Variants in DBH observed in about 807,000 individuals in gnomAD.
DBH encodes dopamine beta-hydroxylase (dopamine beta-monooxygenase).
A neutral mutation model predicts 64.0 loss-of-function variants in DBH; 49 were observed. That is an observed-to-expected ratio of 0.77 (90% CI 0.61 to 0.97). The LOEUF (loss-of-function observed/expected upper bound fraction) is 0.97, where lower values mean the gene tolerates loss of function less well. Among genes scored for constraint, DBH ranks in the 50% least tolerant of loss-of-function variants. The pLI is 0.00. For missense variants in DBH, 828 were observed against 826.6 expected, an observed-to-expected ratio of 1.00 and a Z score of -0.02; for synonymous variants, 343 against 347.1, an observed-to-expected ratio of 0.99 and a Z score of 0.13.
intron 2 of DBH, among the ~76,000 whole-genome samples, chr9:133,641,967 G>A (rs1381935771): frequency 6.6e-6 from 1 of 152,220 alleles, no homozygotes; most frequent in Non-Finnish European, 1.5e-5. Flanking sequence ...AATGTAGGTG[G>A]AATGTGTTTA....
chr9:133,652,437 G>A (rs1226270015), intron 8 of DBH, among the ~76,000 whole-genome samples, 153 bp downstream of exon 8: 1 of 152,134 alleles, frequency 6.6e-6, no homozygotes, highest in Non-Finnish European at 1.5e-5. Context: ...GGGTGGCTCT[G>A]GGCTGGGCTA....
chr9:133,650,520 C>T (rs1336719188), intron 6 of DBH, among the ~76,000 whole-genome samples: 1 of 134,124 alleles, frequency 7.5e-6, no homozygotes, highest in African/African-American at 3.1e-5. Flanking sequence ...TTCCTTCCTT[C>T]CTTCCTTCTC....
At position 133,658,349 on chromosome 9, in the gene DBH, A is replaced by G; in HGVS notation, c.1756A>G (p.Ile586Val). The G allele has an allele frequency of 6.2e-7, 1 of 1,613,796 alleles. No homozygotes were observed. ...GAACCTGCAGCCCCTGCCCAAGGTC[A>G]TCTCCACACTGGAAGAGCCCACCCC... ...EWNLQPLPKV[I>V]STLEEPTPQC... is the part of the protein sequence containing the mutation. Residue 586 changes from isoleucine (I) to valine (V), a missense_variant, in exon 12 of 12, where the codon ATC (isoleucine) becomes GTC (valine). By Grantham distance (29) the Ile-to-Val change is conservative (BLOSUM62 3). Coordinates refer to ENST00000393056, the MANE Select transcript of DBH (RefSeq NM_000787.4).
rs2131295025 is a variant in DBH, at chr9:133,656,640, CTCA to C, written c.1556_1558del (p.Ile519del). On this transcript the variant is annotated inframe_deletion, in exon 10 of 12. Transcript: ENST00000393056. ...CGGCTTCCTGCAGAAGTACTTCCAC[CTCA>C]TCAACAGGTGAGGGCTCCCTGCACA... 6.2e-7 allele frequency: 1 copy of C among 1,612,490 alleles called. No individual in the cohort carries two copies. The highest frequency in any genetic ancestry group is 1.1e-5 in the South Asian group (1 of 91,060).
In DBH at chr9:133,639,967, G is replaced by A. The variant is rs1832098877; in HGVS notation, c.461G>A (p.Cys154Tyr). The A allele has an allele frequency of 1.2e-6, 2 of 1,613,970 alleles. No homozygotes were observed. The highest frequency in any genetic ancestry group is 2.7e-5 in the African/African-American group (2 of 75,066). Residue 154 changes from cysteine to tyrosine, a missense_variant, in exon 2 of 12, where the codon TGC (cysteine) becomes TAC (tyrosine). Cys to Tyr is a radical substitution (Grantham distance 194). Coordinates refer to ENST00000393056, the MANE Select transcript of DBH (RefSeq NM_000787.4). ...TLLFKRPFGT[C>Y]DPKDYLIEDG... The stretch of plus-strand genomic sequence containing the variant: ...CTTTTCAAGAGGCCCTTTGGCACCT[G>A]CGACCCCAAGGATTACCTCATTGAA...
chr9:133,638,460 G>A (rs116929748), intron 1 of DBH, among the ~76,000 whole-genome samples: 3,329 of 152,314 alleles, frequency 0.022, 53 homozygotes, highest in African/African-American at 0.042. Flanking sequence ...CCAAGGGCCC[G>A]AGGCTTTCTT....
rs1412143924 is a variant in DBH at position 133,658,515 on chromosome 9, C to T, written c.*68C>T. The T allele has an allele frequency of 8.1e-6, 12 of 1,479,092 alleles. No individual in the cohort carries two copies. The highest frequency in any genetic ancestry group is 1.4e-5 in the South Asian group (1 of 72,206). The allele number at this position is 1,479,092 out of a possible 1,614,324, so 91.6% of individuals were successfully genotyped here. ...GCTCACACCGGCACTGTGCACTCTA[C>T]TCTGCGACGATCCCCATGGAACAGC... On this transcript the variant is annotated 3_prime_UTR_variant, in exon 12 of 12. Coordinates refer to ENST00000393056, the MANE Select transcript of DBH (RefSeq NM_000787.4).
chr9:133,657,449 GAGGAGAGAGGGAGAGGGAGA>G, intron 11 of DBH: 2 of 379,348 alleles, frequency 5.3e-6, no homozygotes, highest in Non-Finnish European at 9.0e-6. Flanking sequence ...AGAGGAGAGA[GAGGAGAGAGGGAGAGGGAGA>G]GAGGGAGAGG....
rs774582420 is a variant in DBH at position 133,642,484 on chromosome 9, C to T, written c.744+20C>T. On this transcript the variant is annotated intron_variant, in intron 3 of 11. Transcript: ENST00000393056. ...ATCAAGGTACGTGCGGGTCCAGGGCCGAGGTCCTCGCCCAGCCCTGCCTTC... is the reference window on the plus strand; with the variant it reads ...ATCAAGGTACGTGCGGGTCCAGGGCTGAGGTCCTCGCCCAGCCCTGCCTTC... 20 of 1,589,140 alleles carry T rather than the reference C, an allele frequency of 1.3e-5. No homozygotes were observed. Among genetic ancestry groups the T allele is most frequent in the Admixed American group, 3.5e-5 (2 of 56,428 alleles).
rs906102478 is a variant in DBH at position 133,643,090 on chromosome 9, C to T, written c.745-323C>T. ...CTTGAAGGTGCGCTTTGGGCCCGGG[C>T]TCTAACCTCAGGGCTGCCCTGCCTC... On this transcript the variant is annotated intron_variant, in intron 3 of 11. Coordinates refer to ENST00000393056, the MANE Select transcript of DBH (RefSeq NM_000787.4). The surrounding 1 kb of genome is among the most constrained non-coding windows in gnomAD (Gnocchi z 5.3). Among the ~76,000 whole-genome samples the T allele has an allele frequency of 3.3e-5, 5 of 152,296 alleles. No individual in the cohort carries two copies. The highest frequency in any genetic ancestry group is 3.9e-4 in the East Asian group (2 of 5,164).
At chr9:133,652,796 G>T in intron 8 of DBH, 144 bp from the exon 9 acceptor site, 1 of 697,668 alleles carries the variant, frequency 1.4e-6, no homozygotes, top group South Asian at 1.6e-5. Flanking sequence ...ACATGAATCT[G>T]CTGGGCTCCT....
At chr9:133,653,531 G>A (rs1372962083) in intron 9 of DBH, among the ~76,000 whole-genome samples, 1 of 152,198 alleles carries the variant, frequency 6.6e-6, no homozygotes, top group Non-Finnish European at 1.5e-5. Context: ...TGGAGCCCAG[G>A]GGAGAGGGGA....
intron 11 of DBH, among the ~76,000 whole-genome samples, chr9:133,657,497 G>A (rs1340472259): frequency 1.4e-5 from 2 of 143,056 alleles, no homozygotes; most frequent in Admixed American, 6.9e-5. Context: ...GAGAGAGAGA[G>A]GAGAGAGAGA....
In DBH at chr9:133,636,710, G is replaced by A. The variant is rs747816048; in HGVS notation, c.339G>A (p.Ala113=). 1.1e-5 allele frequency: 18 copies of A among 1,600,852 alleles called. No individual in the cohort carries two copies. Among genetic ancestry groups the A allele is most frequent in the Middle Eastern group, 1.7e-4 (1 of 6,058 alleles). The part of the protein sequence containing the change: ...LWTDGDTAYF[A]DAWSDQKGQI... ...CCGATGGGGACACTGCCTATTTTGC[G>A]GTGAGTCTCTCCTCCCTGCCAGCTC... Residue 113 remains alanine (A), a splice_region_variant and synonymous_variant, in exon 1 of 12, where the codon GCG becomes GCA. Coordinates refer to ENST00000393056, the MANE Select transcript of DBH (RefSeq NM_000787.4).
intron 3 of DBH, 42 bp downstream of exon 3, chr9:133,642,506 C>A: frequency 6.4e-7 from 1 of 1,566,810 alleles, no homozygotes; most frequent in East Asian, 2.3e-5. Flanking sequence ...CCAGCCCTGC[C>A]TTCCTCCCGG....
rs756815809 is a variant in DBH, at chr9:133,636,443, A to G, written c.72A>G (p.Thr24=). 6.2e-7 allele frequency: 1 copy of G among 1,612,748 alleles called. No homozygotes were observed. The highest frequency in any genetic ancestry group is 1.3e-5 in the African/African-American group (1 of 74,930). Residue 24 remains threonine, a synonymous_variant, in exon 1 of 12, where the codon ACA becomes ACG. Transcript: ENST00000393056. ...SMREAAFMYS[T]AVAIFLVILV... ...GGGAGGCAGCCTTCATGTACAGCAC[A>G]GCAGTGGCCATCTTCCTGGTCATCC...
intron 9 of DBH, chr9:133,655,566 G>A (rs1453668110): frequency 1.3e-5 from 2 of 152,370 alleles, no homozygotes; most frequent in African/African-American, 4.8e-5. Context: ...TGCACGGGAG[G>A]AGGGGGCGGC....
chr9:133,636,624 G>A lies in DBH; in HGVS notation c.253G>A (p.Val85Ile), dbSNP rs78445536. ...CCTGGTGCGGAGGCTCAAGGCTGGCGTCCTGTTTGGGATGTCCGACCGTGG... is the reference window on the plus strand; with the variant it reads ...CCTGGTGCGGAGGCTCAAGGCTGGCATCCTGTTTGGGATGTCCGACCGTGG... ...QLLVRRLKAGVLFGMSDRGEL... is the reference protein window; with the variant it reads ...QLLVRRLKAGILFGMSDRGEL... Residue 85 changes from valine (V) to isoleucine (I), a missense_variant, in exon 1 of 12, where the codon GTC (valine) becomes ATC (isoleucine). Transcript: ENST00000393056. The A allele has an allele frequency of 4.5e-4, 721 of 1,613,424 alleles. No individual in the cohort carries two copies. The highest frequency in any genetic ancestry group is 9.6e-4 in the African/African-American group (72 of 75,050).
At chr9:133,658,081 G>C (rs1053321357) in intron 11 of DBH, among the ~76,000 whole-genome samples, 1 of 151,878 alleles carries the variant, frequency 6.6e-6, no homozygotes, top group Non-Finnish European at 1.5e-5. Context: ...GACAGAGGCG[G>C]GGAGAGGCCT....
Sources: allele counts gnomAD v4.1 joint callset (sites outside exome capture counted in the v4.1 genomes callset), GRCh38; gene constraint gnomAD v4.1.1; non-coding constraint Gnocchi (gnomAD v3.1); transcripts MANE v1.5; gene names NCBI Gene and HGNC (gene_info 2026-07-23, HGNC 2026-07-21).